NRG3: variants seen among roughly 807,000 people sequenced by gnomAD.
NRG3 encodes pro-neuregulin-3, membrane-bound isoform.
A neutral mutation model predicts 66.9 loss-of-function variants in NRG3; 31 were observed. That is an observed-to-expected ratio of 0.46 (90% CI 0.35 to 0.63). NRG3 has a LOEUF of 0.63. Ranked by LOEUF, NRG3 falls within the 20% of genes least tolerant of loss-of-function variation. NRG3 has a pLI of 0.00. For missense variants in NRG3, 910 were observed against 878.9 expected, an observed-to-expected ratio of 1.04 and a Z score of -0.45; for synonymous variants, 393 against 359.4, an observed-to-expected ratio of 1.09 and a Z score of -1.06.
intron 2 of NRG3, among the ~76,000 whole-genome samples, chr10:82,726,765 G>T (rs907143737): frequency 2.6e-5 from 4 of 152,122 alleles, no homozygotes; most frequent in Admixed American, 6.6e-5. Context: ...ACAAGCAGAG[G>T]TTGGAACAGT....
At position 82,706,241 on chromosome 10, in the gene NRG3, G is replaced by A. The variant is rs181127666; in HGVS notation, c.954-32336G>A. Among the ~76,000 whole-genome samples the A allele has an allele frequency of 3.3e-5, 5 of 152,280 alleles. No individual in the cohort carries two copies. In the East Asian group the frequency reaches 9.7e-4, roughly 29 times the overall value. The stretch of plus-strand genomic sequence containing the variant: ...CTGCCTGTGGGTGGTTAGGGCAACA[G>A]AAGGCATACCTCCCCAAAATGACAT... On this transcript the variant is annotated intron_variant, in intron 2 of 8. Coordinates refer to ENST00000372141, the MANE Select transcript of NRG3 (RefSeq NM_001010848.4).
At chr10:82,781,602 G>T (rs2060120655) in intron 3 of NRG3, among the ~76,000 whole-genome samples, 1 of 151,760 alleles carries the variant, frequency 6.6e-6, no homozygotes, top group South Asian at 2.1e-4. Context: ...TTTTTCTTGG[G>T]GTCAGCTTAT....
At chr10:82,706,729 C>T (rs1361861988) in intron 2 of NRG3, among the ~76,000 whole-genome samples, 2 of 152,138 alleles carry the variant, frequency 1.3e-5, no homozygotes, top group Non-Finnish European at 2.9e-5. Flanking sequence ...CGTGGTGGCT[C>T]ACGCCTTTAA....
intron 4 of NRG3, among the ~76,000 whole-genome samples, chr10:82,899,190 A>G (rs1053873853): frequency 6.6e-6 from 1 of 152,126 alleles, no homozygotes; most frequent in Non-Finnish European, 1.5e-5. Flanking sequence ...CACATAAGGG[A>G]CACTAAAAAG....
intron 2 of NRG3, among the ~76,000 whole-genome samples, chr10:82,724,152 C>A (rs949205787): frequency 6.7e-6 from 1 of 150,304 alleles, no homozygotes; most frequent in Non-Finnish European, 1.5e-5. Context: ...TTTCCCCCAA[C>A]AAATTTTCAA....
intron 6 of NRG3, among the ~76,000 whole-genome samples, chr10:82,970,538 G>A (rs1851627438): frequency 6.6e-6 from 1 of 152,098 alleles, no homozygotes. Context: ...TATGTTGCCT[G>A]TCTTTATTTT....
chr10:82,224,941 T>C (rs555227204), intron 1 of NRG3, among the ~76,000 whole-genome samples: 3 of 152,168 alleles, frequency 2.0e-5, no homozygotes, highest in African/African-American at 7.2e-5. Flanking sequence ...TAGCTCACTT[T>C]ACCATTGCTG....
chr10:82,950,813 TAC>T (rs1849451670), intron 4 of NRG3, among the ~76,000 whole-genome samples: 1 of 152,226 alleles, frequency 6.6e-6, no homozygotes, highest in Admixed American at 6.5e-5. Flanking sequence ...TGGTAGTGGC[TAC>T]AGAGTGAAAT....
chr10:82,817,376 T>A (rs1057112553), intron 3 of NRG3, among the ~76,000 whole-genome samples: 2 of 152,204 alleles, frequency 1.3e-5, no homozygotes, highest in African/African-American at 4.8e-5. Flanking sequence ...AAACCTGATA[T>A]GGTAGATTTT....
At chr10:81,986,503 A>G (rs1445438008) in intron 1 of NRG3, among the ~76,000 whole-genome samples, 1 of 152,198 alleles carries the variant, frequency 6.6e-6, no homozygotes, top group African/African-American at 2.4e-5. Flanking sequence ...TTTTAATCAA[A>G]TATGAAAAAT....
intron 2 of NRG3, among the ~76,000 whole-genome samples, chr10:82,392,319 G>C (rs780005544): frequency 5.3e-5 from 8 of 152,064 alleles, no homozygotes; most frequent in Non-Finnish European, 1.0e-4. Flanking sequence ...TCTACAATTA[G>C]CATATTTTTT....
chr10:82,052,919 C>G (rs2063667647), intron 1 of NRG3, among the ~76,000 whole-genome samples: 1 of 152,040 alleles, frequency 6.6e-6, no homozygotes, highest in Admixed American at 6.6e-5. Flanking sequence ...TTTGCAACTA[C>G]ACAAGAAAAT....
rs75566730 is a variant in NRG3 at position 82,469,764 on chromosome 10, T to A, written c.953+110896T>A. On this transcript the variant is annotated intron_variant, in intron 2 of 8. Transcript: ENST00000372141. ...CAGACATGAGCTCTGTGTGTCTGAATGCACATTAGTACAAGATGTTTACTT... is the reference window on the plus strand; with the variant it reads ...CAGACATGAGCTCTGTGTGTCTGAAAGCACATTAGTACAAGATGTTTACTT... 1.4e-3 allele frequency among the ~76,000 whole-genome samples: 214 copies of A among 152,350 alleles called. 4 individuals are homozygous for A. The East Asian group carries it at 0.028, about 20-fold the overall frequency.
intron 7 of NRG3, among the ~76,000 whole-genome samples, chr10:82,977,475 G>T (rs142939706): frequency 7.9e-5 from 12 of 152,080 alleles, no homozygotes; most frequent in South Asian, 6.2e-4. Context: ...CTGCCATTGT[G>T]GGGGGCACCT....
At chr10:82,278,803 A>T (rs1395854138) in intron 1 of NRG3, among the ~76,000 whole-genome samples, 1 of 152,054 alleles carries the variant, frequency 6.6e-6, no homozygotes, top group African/African-American at 2.4e-5. Context: ...CATAGCTAAA[A>T]AGTATTAGAA....
In NRG3 at chr10:82,439,158, A is replaced by T. The variant is rs534009681; in HGVS notation, c.953+80290A>T. 1.1e-4 allele frequency among the ~76,000 whole-genome samples: 17 copies of T among 152,022 alleles called. No homozygotes were observed. In the South Asian group the frequency reaches 3.5e-3, roughly 32 times the overall value. On this transcript the variant is annotated intron_variant, in intron 2 of 8. Transcript: ENST00000372141. The stretch of plus-strand genomic sequence containing the variant: ...AGTGTTTCTCATCTTTTTCTCCAGC[A>T]TTTTTTTAGTTCTTAGATATCTGTT...
chr10:82,924,578 TAA>T (rs11376707), intron 4 of NRG3, among the ~76,000 whole-genome samples: 9 of 142,344 alleles, frequency 6.3e-5, no homozygotes, highest in Admixed American at 7.0e-5. Context: ...TATCTCACAT[TAA>T]AAAAAAAAAA....
intron 2 of NRG3, among the ~76,000 whole-genome samples, chr10:82,479,238 T>TG (rs1444324461): frequency 1.3e-5 from 2 of 152,188 alleles, no homozygotes; most frequent in African/African-American, 4.8e-5. Context: ...TTTCTTTGTC[T>TG]GAAATATAGG....
rs146802715 is a variant in NRG3, at chr10:82,598,772, G to A, written c.954-139805G>A. Among the ~76,000 whole-genome samples the A allele has an allele frequency of 2.2e-3, 342 of 152,242 alleles. 2 individuals carry two copies. The highest frequency in any genetic ancestry group is 7.8e-3 in the African/African-American group (323 of 41,540). On this transcript the variant is annotated intron_variant, in intron 2 of 8. Transcript: ENST00000372141. ...CAGTTGAAAATGATGAGAAGAGGCC[G>A]GGCACTGTTGCTCACTCCTGTAATC...
Sources: allele counts gnomAD v4.1 joint callset (sites outside exome capture counted in the v4.1 genomes callset), GRCh38; gene constraint gnomAD v4.1.1; transcripts MANE v1.5; gene names NCBI Gene and HGNC (gene_info 2026-07-23, HGNC 2026-07-21).